The following ORC4 variants were observed in gnomAD, a reference collection of about 807,000 sequenced individuals.
ORC4 encodes the protein origin recognition complex subunit 4.
Under a neutral mutation model 63.9 loss-of-function variants are expected in ORC4, and 55 were observed. The ratio of observed to expected loss-of-function variants is 0.86; its 90% CI spans 0.69 to 1.08. The LOEUF (loss-of-function observed/expected upper bound fraction) is 1.08, where lower values mean the gene tolerates loss of function less well. ORC4 is among the 50% of genes least tolerant of loss of function. The probability of loss-of-function intolerance (pLI) is 0.00; values close to 1 mark genes in which losing one functional copy is unlikely to be tolerated. For missense variants in ORC4, 511 were observed against 504.4 expected (o/e 1.01, Z -0.13); for synonymous variants, 150 against 168.5 (o/e 0.89, Z 0.85).
chr2:147,997,368 A>C (rs192518565), intron 1 of ORC4, among the ~76,000 whole-genome samples: 7 of 152,252 alleles, frequency 4.6e-5, no homozygotes, highest in Admixed American at 4.6e-4. Flanking sequence ...CAAAACAAAG[A>C]ATGAATTTAT....
chr2:147,957,242 TTAA>T (rs1423231774), intron 6 of ORC4, among the ~76,000 whole-genome samples: 1 of 147,298 alleles, frequency 6.8e-6, no homozygotes, highest in Non-Finnish European at 1.5e-5. Flanking sequence ...AATTATATAA[TTAA>T]TAATTTTATA....
chr2:147,960,406 TA>T (rs1689520813), intron 4 of ORC4: 4 of 916,178 alleles, frequency 4.4e-6, no homozygotes, highest in Non-Finnish European at 5.2e-6. Context: ...CCATTTAAGT[TA>T]GCTTTTTTCT....
chr2:147,937,540 T>C (rs1303772547), intron 13 of ORC4, among the ~76,000 whole-genome samples: 2 of 152,180 alleles, frequency 1.3e-5, no homozygotes, highest in Non-Finnish European at 2.9e-5. Flanking sequence ...GTAAAATACC[T>C]TACTGTTCTT....
rs1687651528 is a variant in ORC4 at position 147,930,418 on chromosome 2, A to C, written c.*5092T>G. On this transcript the variant is annotated 3_prime_UTR_variant, in exon 14 of 14. Coordinates refer to ENST00000392857, the MANE Select transcript of ORC4 (RefSeq NM_181741.4). ...AGATACTTTCCAGTTTCTCTTTTAT[A>C]CTTTTTTGAAAGATTACTTTTTAGG... is the stretch of plus-strand genomic sequence containing the variant. The C allele has an allele frequency of 6.8e-6, 1 of 147,370 alleles. No homozygotes were observed. The highest frequency in any genetic ancestry group is 2.5e-5 in the African/African-American group (1 of 39,766). The allele number at this position is 147,370 out of a possible 1,614,324, so 9.1% of individuals were successfully genotyped here. A position where few individuals can be genotyped will look rare whatever the true frequency, so the allele number is the denominator to read the frequency against.
At chr2:147,980,620 T>C (rs1043083457) in intron 1 of ORC4, among the ~76,000 whole-genome samples, 6 of 152,128 alleles carry the variant, frequency 3.9e-5, no homozygotes, top group Non-Finnish European at 7.4e-5. Context: ...GTGTTACTAA[T>C]TGTCAGGGAT....
chr2:147,983,934 G>A (rs1291625763), intron 1 of ORC4, among the ~76,000 whole-genome samples: 2 of 152,202 alleles, frequency 1.3e-5, no homozygotes, highest in Admixed American at 1.3e-4. Context: ...CTGCCAGACA[G>A]TGAGAAAGAT....
chr2:148,008,530 G>A lies in ORC4; in HGVS notation c.-18+12103C>T, dbSNP rs969646666. ...TTCTAGTTTTAAACTTAACTTCCTC[G>A]TAAAGCAACCTTTTTCGATTACCTA... is the stretch of plus-strand genomic sequence containing the variant. On this transcript the variant is annotated intron_variant, in intron 1 of 13. Coordinates refer to ENST00000392857, the MANE Select transcript of ORC4 (RefSeq NM_181741.4). Among the ~76,000 whole-genome samples the A allele has an allele frequency of 2.5e-4, 38 of 152,188 alleles. No individual in the cohort carries two copies. The East Asian group carries it at 5.4e-3, about 22-fold the overall frequency.
intron 1 of ORC4, among the ~76,000 whole-genome samples, chr2:147,976,205 A>AT (rs201960378): frequency 7.2e-4 from 108 of 149,416 alleles, no homozygotes; most frequent in Non-Finnish European, 1.2e-3. Context: ...CAGATGGTGC[A>AT]TTTTTTTTTT....
intron 2 of ORC4, 64 bp from the exon 3 acceptor site, chr2:147,973,588 G>A (rs1289291455): frequency 5.4e-6 from 5 of 933,650 alleles, no homozygotes; most frequent in East Asian, 5.3e-5. Context: ...AAATAAATAA[G>A]AAAGCACATT....
At chr2:147,956,394 CT>C (rs1304533127) in intron 6 of ORC4, among the ~76,000 whole-genome samples, 1 of 151,992 alleles carries the variant, frequency 6.6e-6, no homozygotes, top group Non-Finnish European at 1.5e-5. Context: ...GTCTTTCAGG[CT>C]TTTTGCTTAA....
chr2:147,962,754 C>T (rs1332696504), intron 4 of ORC4, among the ~76,000 whole-genome samples: 1 of 152,098 alleles, frequency 6.6e-6, no homozygotes, highest in Admixed American at 6.5e-5. Flanking sequence ...AGCGGCTATG[C>T]ACCCACACTC....
In ORC4 at chr2:147,932,436, A is replaced by G. The variant is rs1374434630; in HGVS notation, c.*3074T>C. 2 of 152,140 alleles carry G rather than the reference A, an allele frequency of 1.3e-5. No homozygotes were observed. Among genetic ancestry groups the G allele is most frequent in the African/African-American group, 2.4e-5 (1 of 41,424 alleles). The allele number at this position is 152,140 out of a possible 1,614,324, so 9.4% of individuals were successfully genotyped here. ...CATCAAGCTACCAATGACTTTCTTC[A>G]CAGAATTGGAAAAAACTACTTAAGT... On this transcript the variant is annotated 3_prime_UTR_variant, in exon 14 of 14. Transcript: ENST00000392857.
chr2:147,995,150 T>A (rs1202585916), intron 1 of ORC4, among the ~76,000 whole-genome samples: 1 of 146,690 alleles, frequency 6.8e-6, no homozygotes, highest in Non-Finnish European at 1.5e-5. Flanking sequence ...TCTGTAAAAA[T>A]GCACCACTCA....
upstream of ORC4, chr2:148,020,871 G>A (rs1388807304): frequency 2.6e-5 from 4 of 152,448 alleles, no homozygotes; most frequent in Admixed American, 1.3e-4. Context: ...GGGAGCTGGG[G>A]GTGTTAAAAG....
chr2:147,956,738 A>C (rs1689271785), intron 6 of ORC4, among the ~76,000 whole-genome samples: 2 of 152,130 alleles, frequency 1.3e-5, no homozygotes, highest in Non-Finnish European at 2.9e-5. Flanking sequence ...ATTTTTGGGT[A>C]CAACTTAAAC....
At chr2:147,955,674 A>G (rs1218315009) in intron 6 of ORC4, among the ~76,000 whole-genome samples, 1 of 151,952 alleles carries the variant, frequency 6.6e-6, no homozygotes, top group Non-Finnish European at 1.5e-5. Context: ...AAAAGTAAGA[A>G]ATTTTATATT....
In ORC4 at chr2:147,933,706, A is replaced by T. The variant is rs1687896005; in HGVS notation, c.*1804T>A. The T allele has an allele frequency of 6.6e-6, 1 of 152,180 alleles. No individual in the cohort carries two copies. The highest frequency in any genetic ancestry group is 2.4e-5 in the African/African-American group (1 of 41,448). The allele number at this position is 152,180 out of a possible 1,614,324, so 9.4% of individuals were successfully genotyped here. On this transcript the variant is annotated 3_prime_UTR_variant, in exon 14 of 14. Coordinates refer to ENST00000392857, the MANE Select transcript of ORC4 (RefSeq NM_181741.4). ...TCCTCAAATAGTTCAGAAAATTTTT[A>T]AAAGGATCACTTAGAGCATAAGTGT...
intron 3 of ORC4, among the ~76,000 whole-genome samples, chr2:147,973,117 G>A (rs1255262886): frequency 6.6e-6 from 1 of 152,082 alleles, no homozygotes; most frequent in Non-Finnish European, 1.5e-5. Context: ...GGGACCCTTG[G>A]ATTCAAATCT....
intron 1 of ORC4, among the ~76,000 whole-genome samples, chr2:148,018,731 TA>T (rs1264845636): frequency 6.6e-6 from 1 of 152,170 alleles, no homozygotes; most frequent in Non-Finnish European, 1.5e-5. Context: ...AAAACGAACC[TA>T]AATTGCTTAG....
Sources: allele counts gnomAD v4.1 joint callset (sites outside exome capture counted in the v4.1 genomes callset), GRCh38; gene constraint gnomAD v4.1.1; transcripts MANE v1.5; gene names NCBI Gene and HGNC (gene_info 2026-07-23, HGNC 2026-07-21).